PRMT8: variants seen among roughly 807,000 people sequenced by gnomAD.
PRMT8 encodes the protein protein arginine N-methyltransferase 8.
PRMT8 carries 7 observed loss-of-function variants against 47.1 expected under a neutral mutation model. That is an observed-to-expected ratio of 0.15 (90% CI 0.08 to 0.28). PRMT8 has a LOEUF of 0.28. Among genes scored for constraint, PRMT8 ranks in the 10% least tolerant of loss-of-function variants. PRMT8 has a pLI of 1.00. For missense variants in PRMT8, 237 were observed against 505.4 expected, an observed-to-expected ratio of 0.47 and a Z score of 5.09; for synonymous variants, 188 against 186.5, an observed-to-expected ratio of 1.01 and a Z score of -0.07.
At chr12:3,524,956 C>T (rs1298202880) in intron 1 of PRMT8, among the ~76,000 whole-genome samples, 1 of 152,200 alleles carries the variant, frequency 6.6e-6, no homozygotes, top group Non-Finnish European at 1.5e-5. Context: ...GGTGCAGTGC[C>T]TCATGCCTGT....
intron 2 of PRMT8, among the ~76,000 whole-genome samples, chr12:3,544,991 C>T (rs1244930389): frequency 6.6e-6 from 1 of 152,198 alleles, no homozygotes; most frequent in Non-Finnish European, 1.5e-5. Context: ...ATTTCTGCAG[C>T]CTTTGTCGTT....
In PRMT8 at chr12:3,436,629, TTTCAGC is replaced by T. The variant is rs1234962554; in HGVS notation, c.48+55189_48+55194del. 2.6e-5 allele frequency among the ~76,000 whole-genome samples: 4 copies of T among 152,126 alleles called. No individual in the cohort carries two copies. Among genetic ancestry groups the T allele is most frequent in the Non-Finnish European group, 5.9e-5 (4 of 68,012 alleles). ...CACTGTCCCCTTTTGCGTTGAGAAGTTTCAGCTGGGTGCATGGCCATAATTGGGTTA... is the reference window on the plus strand; with the variant it reads ...CACTGTCCCCTTTTGCGTTGAGAAGTTGGGTGCATGGCCATAATTGGGTTA... On this transcript the variant is annotated intron_variant, in intron 1 of 9. Transcript: ENST00000452611. This position sits in a 1 kb window ranked among gnomAD's most constrained non-coding sequence, Gnocchi z 4.2.
chr12:3,541,549 A>G (rs534150087), intron 2 of PRMT8, among the ~76,000 whole-genome samples: 4 of 152,338 alleles, frequency 2.6e-5, no homozygotes, highest in East Asian at 1.9e-4. Flanking sequence ...TTTAAACTCT[A>G]TGAAGAAAAT....
chr12:3,555,718 T>C (rs1001751736), intron 4 of PRMT8, among the ~76,000 whole-genome samples: 1 of 152,130 alleles, frequency 6.6e-6, no homozygotes, highest in Admixed American at 6.5e-5. Context: ...CAGCAGGAAC[T>C]GAGGCAGCAG....
rs1489489785 is a variant in PRMT8, at chr12:3,491,544, CCTCTCG to C, written c.-76_-71del. Reference sequence around the variant, plus strand: ...GGTTGGATTTTTTTTTTTCTCCCATCCTCTCGCTCTCTCTTTTAAAGCGACACCAGC... The same window carrying C: ...GGTTGGATTTTTTTTTTTCTCCCATCCTCTCTCTTTTAAAGCGACACCAGC... On this transcript the variant is annotated 5_prime_UTR_variant, in exon 1 of 10. Coordinates refer to ENST00000382622, the MANE Select transcript of PRMT8 (RefSeq NM_019854.5). 13 of 1,491,120 alleles carry C rather than the reference CCTCTCG, an allele frequency of 8.7e-6. No individual in the cohort carries two copies. In the Admixed American group the frequency reaches 1.8e-4, roughly 20 times the overall value. 92.4% of individuals were successfully genotyped at this position (1,491,120 alleles called of 1,614,324 possible).
At chr12:3,505,334 C>T (rs181194877) in intron 1 of PRMT8, among the ~76,000 whole-genome samples, 7 of 152,330 alleles carry the variant, frequency 4.6e-5, no homozygotes, top group East Asian at 1.9e-4. Flanking sequence ...TTACTCAACA[C>T]GGTGCCCGCC....
intron 2 of PRMT8, 31 bp from the exon 3 acceptor site, chr12:3,549,905 T>C: frequency 6.2e-7 from 1 of 1,609,996 alleles, no homozygotes; most frequent in Non-Finnish European, 8.5e-7. Context: ...TTGAATTCAC[T>C]GACATTTCCT....
In PRMT8 at chr12:3,535,749, T is replaced by C. The variant is rs909166329; in HGVS notation, c.76-4857T>C. The stretch of plus-strand genomic sequence containing the variant: ...GAGGGACTTGGGCACAGGGAGCAAA[T>C]TGGAGGTGAGAAAGCTGCAGCCATG... On this transcript the variant is annotated intron_variant, in intron 1 of 9. Coordinates refer to ENST00000382622, the MANE Select transcript of PRMT8 (RefSeq NM_019854.5). The surrounding 1 kb of genome is among the most constrained non-coding windows in gnomAD (Gnocchi z 4.7). 1.3e-5 allele frequency among the ~76,000 whole-genome samples: 2 copies of C among 152,040 alleles called. No homozygotes were observed. The highest frequency in any genetic ancestry group is 1.9e-4 in the East Asian group (1 of 5,150).
At chr12:3,496,197 C>A in intron 1 of PRMT8, among the ~76,000 whole-genome samples, 1 of 43,472 alleles carries the variant, frequency 2.3e-5, no homozygotes, top group Non-Finnish European at 3.7e-5. Flanking sequence ...ACTTTGGAAA[C>A]TGATATATAT....
intron 4 of PRMT8, among the ~76,000 whole-genome samples, chr12:3,563,931 C>CA (rs2137197817): frequency 6.6e-6 from 1 of 151,896 alleles, no homozygotes; most frequent in South Asian, 2.1e-4. Flanking sequence ...ACCCAATGCC[C>CA]CCCACCTTTT....
At chr12:3,534,644 C>G (rs1299135126) in intron 1 of PRMT8, among the ~76,000 whole-genome samples, 3 of 152,170 alleles carry the variant, frequency 2.0e-5, no homozygotes, top group African/African-American at 7.2e-5. Flanking sequence ...CCTGCCTGTG[C>G]CTACCTCCAC....
At chr12:3,431,984 A>G (rs1864684798) in intron 1 of PRMT8, among the ~76,000 whole-genome samples, 1 of 152,246 alleles carries the variant, frequency 6.6e-6, no homozygotes, top group Non-Finnish European at 1.5e-5. Context: ...GCTTAAAGAC[A>G]GAGGAGTTTG....
At chr12:3,428,822 C>G (rs1864638453) in intron 1 of PRMT8, among the ~76,000 whole-genome samples, 1 of 151,910 alleles carries the variant, frequency 6.6e-6, no homozygotes, top group Admixed American at 6.5e-5. Context: ...GTCTCTTCCT[C>G]TCTCTCTGCC....
intron 4 of PRMT8, among the ~76,000 whole-genome samples, chr12:3,568,072 C>CA (rs148436679): frequency 0.24 from 24,109 of 102,540 alleles, 2,351 homozygotes; most frequent in South Asian, 0.42. Context: ...AACTCCGTCT[C>CA]AAAAAAAAAA....
chr12:3,593,058 C>A lies in PRMT8; in HGVS notation c.1102-41C>A. 1 of 1,558,674 alleles carries A rather than the reference C, an allele frequency of 6.4e-7. No homozygotes were observed. Among genetic ancestry groups the A allele is most frequent in the South Asian group, 1.1e-5 (1 of 89,296 alleles). On this transcript the variant is annotated intron_variant, in intron 9 of 9. Coordinates refer to ENST00000382622, the MANE Select transcript of PRMT8 (RefSeq NM_019854.5). The surrounding 1 kb of genome is among the most constrained non-coding windows in gnomAD (Gnocchi z 4.8). ...GAGAGTGGGGCTGTGGCTTCATACC[C>A]AGACGGCCGCCTGACCCTTCGCTCT...
intron 7 of PRMT8, among the ~76,000 whole-genome samples, 166 bp from the exon 8 acceptor site, chr12:3,582,892 G>GGAGA (rs1279884813): frequency 6.6e-6 from 1 of 152,108 alleles, no homozygotes; most frequent in Non-Finnish European, 1.5e-5. Context: ...AAGGATGGAG[G>GGAGA]AGGTGATTGG....
intron 1 of PRMT8, among the ~76,000 whole-genome samples, chr12:3,381,910 C>A (rs548483554): frequency 2.2e-3 from 342 of 152,286 alleles, no homozygotes; most frequent in Admixed American, 2.5e-3. Flanking sequence ...CTTTGGCAAC[C>A]ACTAATTCAT....
intron 1 of PRMT8, among the ~76,000 whole-genome samples, chr12:3,520,440 G>A (rs1377200467): frequency 6.6e-6 from 1 of 152,164 alleles, no homozygotes; most frequent in African/African-American, 2.4e-5. Context: ...GCCTCCCCAC[G>A]TTTCCCAGTG....
At position 3,576,765 on chromosome 12, in the gene PRMT8, G is replaced by C; in HGVS notation, c.713-106G>C. 1.2e-6 allele frequency: 1 copy of C among 802,650 alleles called. No homozygotes were observed. The highest frequency in any genetic ancestry group is 2.1e-6 in the Non-Finnish European group (1 of 476,562). The allele number at this position is 802,650 out of a possible 1,614,324, so 49.7% of individuals were successfully genotyped here. On this transcript the variant is annotated intron_variant, in intron 6 of 9. Coordinates refer to ENST00000382622, the MANE Select transcript of PRMT8 (RefSeq NM_019854.5). This position sits in a 1 kb window ranked among gnomAD's most constrained non-coding sequence, Gnocchi z 4.0. ...CCTCTATTTCGATGCAAGGGAACTC[G>C]AGCTGCCACTCAGCCCTCAGGCACG...
Sources: gnomAD v4.1 joint callset for allele counts (sites outside exome capture counted in the v4.1 genomes callset) on GRCh38, gnomAD v4.1.1 for gene constraint, Gnocchi (gnomAD v3.1) non-coding constraint, MANE v1.5 for transcripts, NCBI Gene and HGNC (gene_info 2026-07-23, HGNC 2026-07-21) for gene names.